Variants in ATP6V0A4 observed in about 807,000 individuals in gnomAD.
ATP6V0A4 encodes the protein ATPase H+ transporting V0 subunit a4.
In ATP6V0A4, 86 loss-of-function variants were observed where a neutral mutation model predicts 107.3. That is an observed-to-expected ratio of 0.80 (90% CI 0.67 to 0.96). ATP6V0A4 has a LOEUF of 0.96. ATP6V0A4 is among the 40% of genes least tolerant of loss of function. The pLI, the probability that ATP6V0A4 is intolerant of heterozygous loss-of-function variation, is 0.00. For synonymous variants in ATP6V0A4, 353 were observed against 381.4 expected (o/e 0.93, Z 0.87); for missense variants, 908 against 1,045.6 (o/e 0.87, Z 1.81).
At chr7:138,768,387 G>A (rs1807199146) in intron 5 of ATP6V0A4, among the ~76,000 whole-genome samples, 1 of 152,134 alleles carries the variant, frequency 6.6e-6, no homozygotes, top group African/African-American at 2.4e-5. Context: ...TCTGGAGTGA[G>A]TCCAACTCAT....
intron 18 of ATP6V0A4, among the ~76,000 whole-genome samples, chr7:138,726,091 G>A (rs1804702831): frequency 6.6e-6 from 1 of 152,072 alleles, no homozygotes; most frequent in Admixed American, 6.5e-5. Flanking sequence ...CCGGGCTCAG[G>A]CCATTCTCCT....
intron 16 of ATP6V0A4, 21 bp from the exon 17 acceptor site, chr7:138,733,114 C>T: frequency 6.2e-7 from 1 of 1,613,602 alleles, no homozygotes; most frequent in Non-Finnish European, 8.5e-7. Flanking sequence ...AAGACACACA[C>T]ATACACAAGA....
intron 2 of ATP6V0A4, among the ~76,000 whole-genome samples, chr7:138,774,427 A>T (rs2117345635): frequency 6.6e-6 from 1 of 151,776 alleles, no homozygotes; most frequent in East Asian, 1.9e-4. Flanking sequence ...AAAAATACGA[A>T]AAAATGAGCA....
chr7:138,740,810 C>T (rs1448251112), intron 14 of ATP6V0A4, among the ~76,000 whole-genome samples: 1 of 151,602 alleles, frequency 6.6e-6, no homozygotes, highest in Non-Finnish European at 1.5e-5. Context: ...TTTTTAAGAA[C>T]TGCATCTGTG....
At chr7:138,724,189 CAAA>C (rs3080498) in intron 18 of ATP6V0A4, among the ~76,000 whole-genome samples, 25,093 of 92,500 alleles carry the variant, frequency 0.27, 2,225 homozygotes, top group Non-Finnish European at 0.31. Flanking sequence ...GACTCTGCCT[CAAA>C]AAAAAAAAAA....
At chr7:138,770,348 G>A (rs1807320059) in intron 3 of ATP6V0A4, among the ~76,000 whole-genome samples, 1 of 152,106 alleles carries the variant, frequency 6.6e-6, no homozygotes, top group South Asian at 2.1e-4. Flanking sequence ...ATCCAAATGA[G>A]CCTCAAAATC....
chr7:138,761,975 C>T (rs896398957), intron 7 of ATP6V0A4, among the ~76,000 whole-genome samples: 2 of 152,122 alleles, frequency 1.3e-5, no homozygotes, highest in African/African-American at 2.4e-5. Flanking sequence ...CCACCACGCC[C>T]GGCTCCCAAA....
At chr7:138,758,500 G>A (rs1248018792) in intron 8 of ATP6V0A4, among the ~76,000 whole-genome samples, 2 of 151,916 alleles carry the variant, frequency 1.3e-5, no homozygotes, top group East Asian at 1.9e-4. Flanking sequence ...GATTATAGAC[G>A]CTCAGAAATA....
chr7:138,747,822 A>T (rs1364348116), intron 12 of ATP6V0A4: 3 of 453,014 alleles, frequency 6.6e-6, no homozygotes, highest in Non-Finnish European at 1.2e-5. Context: ...TGGCACAATC[A>T]TGGCTCACTG....
intron 20 of ATP6V0A4, among the ~76,000 whole-genome samples, chr7:138,712,619 T>C (rs939559922): frequency 6.6e-6 from 1 of 152,158 alleles, no homozygotes; most frequent in African/African-American, 2.4e-5. Flanking sequence ...TTTTTCCACA[T>C]TACCTCTTTA....
intron 1 of ATP6V0A4, among the ~76,000 whole-genome samples, chr7:138,794,788 C>T (rs182709947): frequency 2.8e-4 from 42 of 152,254 alleles, no homozygotes; most frequent in Admixed American, 2.7e-3. Context: ...AGTTGTAGAC[C>T]TGCTACAAAC....
chr7:138,714,529 G>C (rs1803930928), intron 20 of ATP6V0A4, among the ~76,000 whole-genome samples: 1 of 151,964 alleles, frequency 6.6e-6, no homozygotes, highest in Non-Finnish European at 1.5e-5. Flanking sequence ...AACATAGTGA[G>C]ACCTTGTCTC....
intron 1 of ATP6V0A4, among the ~76,000 whole-genome samples, chr7:138,796,865 T>C (rs1437016306): frequency 6.6e-6 from 1 of 151,254 alleles, no homozygotes; most frequent in Non-Finnish European, 1.5e-5. Flanking sequence ...AGACCTTTTA[T>C]ATACATGTGG....
intron 2 of ATP6V0A4, among the ~76,000 whole-genome samples, chr7:138,780,514 C>T (rs1190719617): frequency 6.6e-6 from 1 of 152,166 alleles, no homozygotes; most frequent in Non-Finnish European, 1.5e-5. Context: ...ATAGTGCCAT[C>T]TTGAGGGCTC....
At position 138,773,817 on chromosome 7, in the gene ATP6V0A4, C is replaced by T. The variant is rs1196202424; in HGVS notation, c.-17-2553G>A. ...AGCACAGCATCAACACCCTTCTTAC[C>T]CCAGCTTCCTCCAGGCGGGTCCTGG... is the stretch of plus-strand genomic sequence containing the variant. On this transcript the variant is annotated intron_variant, in intron 2 of 21. Transcript: ENST00000310018. The surrounding 1 kb of genome is among the most constrained non-coding windows in gnomAD (Gnocchi z 5.4). 6.6e-6 allele frequency: 1 copy of T among 152,354 alleles called. No individual in the cohort carries two copies. Among genetic ancestry groups the T allele is most frequent in the Non-Finnish European group, 1.5e-5 (1 of 68,150 alleles). The allele number at this position is 152,354 out of a possible 1,614,324, so 9.4% of individuals were successfully genotyped here.
rs151316315 is a variant in ATP6V0A4, at chr7:138,782,357, T to C, written c.-18+3801A>G. ...TTATAAGGACACCAATCATATTGGA[T>C]TAGGGGCCCACCCCACTCTGCTATA... On this transcript the variant is annotated intron_variant, in intron 2 of 21. Coordinates refer to ENST00000310018, the MANE Select transcript of ATP6V0A4 (RefSeq NM_020632.3). Among the ~76,000 whole-genome samples, 571 of 152,296 alleles carry C rather than the reference T, an allele frequency of 3.7e-3. 3 individuals are homozygous for C. Among genetic ancestry groups the C allele is most frequent in the African/African-American group, 0.013 (533 of 41,570 alleles).
At chr7:138,753,358 G>A (rs1806330887) in intron 10 of ATP6V0A4, among the ~76,000 whole-genome samples, 1 of 152,152 alleles carries the variant, frequency 6.6e-6, no homozygotes, top group East Asian at 1.9e-4. Context: ...GGCAAGGAGG[G>A]GGCTCCCTTC....
intron 19 of ATP6V0A4, among the ~76,000 whole-genome samples, chr7:138,718,042 G>GA (rs1226741279): frequency 9.2e-6 from 1 of 108,192 alleles, no homozygotes; most frequent in African/African-American, 3.3e-5. Context: ...GTCCAGGAAG[G>GA]AGTGGGGGGG....
Position 138,740,925 on chromosome 7 carries a change from T to A in ATP6V0A4, c.1479-1292A>T, listed in dbSNP as rs184643072. 1.3e-3 allele frequency among the ~76,000 whole-genome samples: 200 copies of A among 151,434 alleles called. 1 individual carries two copies. Among genetic ancestry groups the A allele is most frequent in the Middle Eastern group, 6.8e-3 (2 of 292 alleles). ...TGGGAGGCTGAGGTGGGTGAATCAC[T>A]TGAGGTCAGGAGTTCAAGACCAGCC... On this transcript the variant is annotated intron_variant, in intron 14 of 21. Transcript: ENST00000310018.
Sources: gnomAD v4.1 joint callset for allele counts (sites outside exome capture counted in the v4.1 genomes callset) on GRCh38, gnomAD v4.1.1 for gene constraint, Gnocchi (gnomAD v3.1) non-coding constraint, MANE v1.5 for transcripts, NCBI Gene and HGNC (gene_info 2026-07-23, HGNC 2026-07-21) for gene names.